Variants in TSGA10 observed in about 807,000 individuals in gnomAD.
The protein encoded by TSGA10 is testis-specific gene 10 protein.
Under a neutral mutation model 96.6 loss-of-function variants are expected in TSGA10, and 43 were observed. The observed-to-expected ratio is 0.44, with a 90% confidence interval of 0.35 to 0.57. The LOEUF (loss-of-function observed/expected upper bound fraction) is 0.57. TSGA10 is among the 20% of genes least tolerant of loss of function. The pLI is 0.01. For missense variants in TSGA10, 703 were observed against 834.4 expected (o/e 0.84, Z 1.94); for synonymous variants, 229 against 269.9 (o/e 0.85, Z 1.48).
intron 1 of TSGA10, among the ~76,000 whole-genome samples, chr2:99,138,567 T>C (rs568883906): frequency 6.6e-6 from 1 of 152,256 alleles, no homozygotes; most frequent in East Asian, 1.9e-4. Flanking sequence ...AATGAATGAA[T>C]AGTAAAGAAA....
rs565846355 is a variant in TSGA10 at position 99,052,692 on chromosome 2, C to T, written c.1404+12247G>A. ...GGCGGAGCTTGCAGTGAGCCAAGAT[C>T]GCGCCACTGCACTCCAGCCTGGGTG... On this transcript the variant is annotated intron_variant, in intron 16 of 20. Coordinates refer to ENST00000393483, the MANE Select transcript of TSGA10 (RefSeq NM_025244.4). 9.5e-3 allele frequency among the ~76,000 whole-genome samples: 1,440 copies of T among 151,450 alleles called. 19 individuals are homozygous for T. Among genetic ancestry groups the T allele is most frequent in the Middle Eastern group, 0.014 (4 of 294 alleles).
intron 20 of TSGA10, among the ~76,000 whole-genome samples, chr2:99,016,808 CA>C (rs927687956): frequency 6.6e-6 from 1 of 151,892 alleles, no homozygotes; most frequent in Admixed American, 6.6e-5. Flanking sequence ...AAAAACAAAA[CA>C]AAACATAATC....
intron 10 of TSGA10, among the ~76,000 whole-genome samples, chr2:99,085,321 G>A (rs1301861517): frequency 6.6e-6 from 1 of 151,580 alleles, no homozygotes; most frequent in Non-Finnish European, 1.5e-5. Context: ...AAAGAAAGGA[G>A]AAGCCAGGCA....
chr2:99,068,128 C>T (rs1448814910), intron 15 of TSGA10, among the ~76,000 whole-genome samples: 1 of 152,094 alleles, frequency 6.6e-6, no homozygotes, highest in African/African-American at 2.4e-5. Context: ...GCAAGGATTG[C>T]AATTTAGAAA....
At chr2:99,126,920 G>T in intron 2 of TSGA10, 128 bp downstream of exon 2, 1 of 833,754 alleles carries the variant, frequency 1.2e-6, no homozygotes, top group Non-Finnish European at 1.6e-6. Context: ...GATAAAAATT[G>T]AATGATTTTA....
intron 10 of TSGA10, among the ~76,000 whole-genome samples, chr2:99,101,340 T>G (rs924879887): frequency 1.3e-5 from 2 of 151,352 alleles, no homozygotes; most frequent in African/African-American, 4.8e-5. Context: ...AAAAGATACT[T>G]TTATTTTTGT....
In TSGA10 at chr2:99,117,765, AT is replaced by A; in HGVS notation, c.-355-7del. ...GTCTGTTTGAGATCTTCAATCTGTT[AT>A]TATCAGAAAAAAAATCACATTAAAA... On this transcript the variant is annotated splice_polypyrimidine_tract_variant and splice_region_variant and intron_variant, in intron 3 of 20. Coordinates refer to ENST00000393483, the MANE Select transcript of TSGA10 (RefSeq NM_025244.4). The A allele has an allele frequency of 4.1e-6, 4 of 982,724 alleles. No individual in the cohort carries two copies. Among genetic ancestry groups the A allele is most frequent in the Non-Finnish European group, 3.6e-6 (3 of 827,202 alleles). The allele number at this position is 982,724 out of a possible 1,614,324, so 60.9% of individuals were successfully genotyped here. A position where few individuals can be genotyped will look rare whatever the true frequency, so the allele number is the denominator to read the frequency against.
At chr2:99,040,577 T>C (rs1298105935) in intron 16 of TSGA10, among the ~76,000 whole-genome samples, 1 of 152,108 alleles carries the variant, frequency 6.6e-6, no homozygotes, top group Non-Finnish European at 1.5e-5. Context: ...GAAAGAGCTC[T>C]ACAAGGAAAA....
At chr2:98,999,965 A>G (rs1221618151) in intron 20 of TSGA10, among the ~76,000 whole-genome samples, 1 of 152,220 alleles carries the variant, frequency 6.6e-6, no homozygotes, top group Non-Finnish European at 1.5e-5. Context: ...ACCATTGCCC[A>G]GGCTGGTCTG....
chr2:99,013,746 G>C (rs1053879658), intron 20 of TSGA10, among the ~76,000 whole-genome samples: 11 of 151,862 alleles, frequency 7.2e-5, no homozygotes, highest in South Asian at 4.2e-4. Context: ...CTGGCTGCGG[G>C]GGCTCATGCC....
chr2:99,111,800 A>G (rs1157884530), intron 4 of TSGA10, among the ~76,000 whole-genome samples: 2 of 152,168 alleles, frequency 1.3e-5, no homozygotes, highest in African/African-American at 4.8e-5. Context: ...GTATACTACT[A>G]AGTAGACACT....
chr2:99,137,883 T>C (rs1251190766), intron 1 of TSGA10, among the ~76,000 whole-genome samples: 1 of 99,566 alleles, frequency 1.0e-5, no homozygotes, highest in Non-Finnish European at 2.2e-5. Context: ...TGAGACTCCA[T>C]GTCAAAAAAA....
intron 18 of TSGA10, among the ~76,000 whole-genome samples, chr2:99,019,550 G>A (rs1573522944): frequency 6.6e-6 from 1 of 152,264 alleles, no homozygotes; most frequent in Admixed American, 6.5e-5. Context: ...GGGGCTCCTA[G>A]GAGTGGCTGA....
chr2:99,050,821 CAT>C (rs1450257692), intron 16 of TSGA10, among the ~76,000 whole-genome samples: 4 of 152,084 alleles, frequency 2.6e-5, no homozygotes, highest in African/African-American at 9.7e-5. Context: ...TCATGTGACA[CAT>C]AATAATGTTT....
intron 16 of TSGA10, among the ~76,000 whole-genome samples, chr2:99,059,911 CT>C: frequency 8.3e-6 from 1 of 120,594 alleles, no homozygotes. Flanking sequence ...GAGACCCCAT[CT>C]CAAAAAAAAA....
rs768328872 is a variant in TSGA10, at chr2:99,150,723, A to G, written c.-621+3970T>C. The G allele has an allele frequency of 5.9e-5, 95 of 1,614,120 alleles. No individual in the cohort carries two copies. The East Asian group carries it at 1.6e-3, about 28-fold the overall frequency. On this transcript the variant is annotated intron_variant, in intron 1 of 20. Coordinates refer to ENST00000393483, the MANE Select transcript of TSGA10 (RefSeq NM_025244.4). ...TAAGATTAGAAGACACAAATCAAGA[A>G]AACTTTACAAGGATTGAAGGGACTG...
chr2:99,132,740 C>T (rs146261157), intron 1 of TSGA10, among the ~76,000 whole-genome samples: 1,728 of 152,232 alleles, frequency 0.011, 34 homozygotes, highest in African/African-American at 0.039. Flanking sequence ...CTCCTGTGGG[C>T]ATTCAGTGCT....
intron 10 of TSGA10, among the ~76,000 whole-genome samples, chr2:99,094,322 C>A (rs1234458798): frequency 6.6e-6 from 1 of 152,072 alleles, no homozygotes; most frequent in African/African-American, 2.4e-5. Context: ...ATTGAAAAAA[C>A]CCTTCTAGAC....
chr2:99,010,595 C>T (rs935049246), intron 20 of TSGA10, among the ~76,000 whole-genome samples: 20 of 152,350 alleles, frequency 1.3e-4, no homozygotes, highest in African/African-American at 4.3e-4. Context: ...CTCCCAGTCT[C>T]CAGCTCAAGC....
Sources: allele counts gnomAD v4.1 joint callset (sites outside exome capture counted in the v4.1 genomes callset), GRCh38; gene constraint gnomAD v4.1.1; transcripts MANE v1.5; gene names NCBI Gene and HGNC (gene_info 2026-07-23, HGNC 2026-07-21).